The following ZNF32 variants were observed in gnomAD, a reference collection of about 807,000 sequenced individuals.
The protein encoded by ZNF32 is zinc finger protein 32.
In ZNF32, 13 loss-of-function variants were observed where a neutral mutation model predicts 24.4. The observed-to-expected ratio is 0.53, with a 90% CI of 0.35 to 0.85. The LOEUF (loss-of-function observed/expected upper bound fraction) is 0.85. ZNF32 is among the 40% of genes least tolerant of loss of function. ZNF32 has a pLI of 0.01. For synonymous variants in ZNF32, 115 were observed against 117.4 expected, an observed-to-expected ratio of 0.98 and a Z score of 0.13; for missense variants, 239 against 325.3, an observed-to-expected ratio of 0.73 and a Z score of 2.04.
Position 43,644,357 on chromosome 10 carries a change from T to C in ZNF32, c.515A>G (p.Asn172Ser). ...ECAICQRSFRNQSNLAVHRRV... is the reference protein window; with the variant it reads ...ECAICQRSFRSQSNLAVHRRV... ...CCTGTGAACAGCAAGGTTACTCTGA[T>C]TCCTGAAGCTTCTCTGACAAATAGC... is the stretch of plus-strand genomic sequence containing the variant. The change falls in exon 3 of 3, where the codon AAT (asparagine) becomes AGT (serine). Residue 172 changes from asparagine (N) to serine (S), a missense_variant. Transcript: ENST00000374433. This position sits in a 1 kb window ranked among gnomAD's most constrained non-coding sequence, Gnocchi z 5.3. The C allele has an allele frequency of 6.2e-7, 1 of 1,613,658 alleles. No individual in the cohort carries two copies. Among genetic ancestry groups the C allele is most frequent in the South Asian group, 1.1e-5 (1 of 91,054 alleles).
At chr10:43,646,452 C>A (rs1839293784) in intron 1 of ZNF32, among the ~76,000 whole-genome samples, 1 of 152,164 alleles carries the variant, frequency 6.6e-6, no homozygotes, top group Non-Finnish European at 1.5e-5. Context: ...CCTGCCAATC[C>A]CAAGTTAATA....
chr10:43,645,377 A>C (rs889779405), intron 2 of ZNF32, among the ~76,000 whole-genome samples: 3 of 152,222 alleles, frequency 2.0e-5, no homozygotes, highest in Non-Finnish European at 4.4e-5. Context: ...CTGACAATAG[A>C]ATAAGCACCA....
At chr10:43,645,826 C>G in intron 2 of ZNF32, 1 of 715,388 alleles carries the variant, frequency 1.4e-6, no homozygotes, top group East Asian at 3.9e-5. Context: ...GAGATTTAAG[C>G]TGCTCATTCA....
intron 1 of ZNF32, 112 bp from the exon 2 acceptor site, chr10:43,646,314 G>A (rs1293726596): frequency 1.5e-6 from 1 of 670,216 alleles, no homozygotes; most frequent in Non-Finnish European, 2.5e-6. Context: ...AACCTAGATT[G>A]TTTGACATAA....
Position 43,646,150 on chromosome 10 carries a change from G to A in ZNF32, c.-17C>T, listed in dbSNP as rs1329612391. On this transcript the variant is annotated 5_prime_UTR_variant, in exon 2 of 3. Transcript: ENST00000374433. ...TCCAAACATGTCCACTCCTGCTTAC[G>A]ACCTCAGTCACCACCTCTTCATATG... 5 of 1,613,766 alleles carry A rather than the reference G, an allele frequency of 3.1e-6. No homozygotes were observed. Among genetic ancestry groups the A allele is most frequent in the Non-Finnish European group, 4.2e-6 (5 of 1,179,814 alleles).
intron 2 of ZNF32, 142 bp downstream of exon 2, chr10:43,645,922 G>A: frequency 2.8e-6 from 4 of 1,436,248 alleles, no homozygotes; most frequent in African/African-American, 1.4e-5. Context: ...CCAGCTCACA[G>A]GCTTTTCTTA....
intron 2 of ZNF32, 132 bp downstream of exon 2, chr10:43,645,932 A>G (rs1839270228): frequency 4.1e-6 from 6 of 1,458,662 alleles, no homozygotes; most frequent in Non-Finnish European, 5.4e-6. Flanking sequence ...GGCTTTTCTT[A>G]TAACCCTAGG....
rs1839191607 is a variant in ZNF32 at position 43,643,997 on chromosome 10, C to CA, written c.*52dup. 21 of 1,533,690 alleles carry CA rather than the reference C, an allele frequency of 1.4e-5. 1 individual carries two copies. In the South Asian group the frequency reaches 2.6e-4, roughly 19 times the overall value. On this transcript the variant is annotated 3_prime_UTR_variant, in exon 3 of 3. Coordinates refer to ENST00000374433, the MANE Select transcript of ZNF32 (RefSeq NM_006973.3). ...TAGAACTGGATAGGTTGCTTCATCT[C>CA]AGAGGATTTTGTACTCTTAATTCAT...
At position 43,646,215 on chromosome 10, in the gene ZNF32, A is replaced by G. The variant is rs1296157889; in HGVS notation, c.-69-13T>C. ...TGTTCCTGAGCACCTGAGGGAGAAA[A>G]ACAAACAGAAACAAACAGGAAAGGG... On this transcript the variant is annotated splice_polypyrimidine_tract_variant and intron_variant, in intron 1 of 2. Transcript: ENST00000374433. 3.5e-6 allele frequency: 5 copies of G among 1,421,444 alleles called. No individual in the cohort carries two copies. Among genetic ancestry groups the G allele is most frequent in the Non-Finnish European group, 4.8e-6 (5 of 1,031,652 alleles). 88.1% of individuals were successfully genotyped at this position (1,421,444 alleles called of 1,614,324 possible). A position where few individuals can be genotyped will look rare whatever the true frequency, so the allele number is the denominator to read the frequency against.
At chr10:43,646,015 C>A in intron 2 of ZNF32, 49 bp downstream of exon 2, 2 of 1,611,294 alleles carry the variant, frequency 1.2e-6, no homozygotes, top group South Asian at 2.2e-5. Flanking sequence ...AACAGGGACA[C>A]TGAATATCTG....
rs781372589 is a variant in ZNF32 at position 43,644,635 on chromosome 10, G to T, written c.237C>A (p.Cys79Ter). The T allele has an allele frequency of 3.7e-6, 6 of 1,614,014 alleles. No individual in the cohort carries two copies. The highest frequency in any genetic ancestry group is 5.1e-6 in the Non-Finnish European group (6 of 1,180,032). ...SPGVRQRVYE[C>*]QECGKSFRQK... ...GCCGGAAGGATTTTCCACACTCCTG[G>T]CACTCATAGACCCTTTGTCTCACTC... is the stretch of plus-strand genomic sequence containing the variant. The change falls in exon 3 of 3, where the codon TGC (cysteine) becomes TGA (stop). Residue 79 changes from cysteine (C) to a stop codon, truncating the protein, a stop_gained. Coordinates refer to ENST00000374433, the MANE Select transcript of ZNF32 (RefSeq NM_006973.3). LOFTEE classifies it high-confidence loss of function. This position sits in a 1 kb window ranked among gnomAD's most constrained non-coding sequence, Gnocchi z 5.3.
In ZNF32 at chr10:43,644,001, G is replaced by C; in HGVS notation, c.*49C>G. On this transcript the variant is annotated 3_prime_UTR_variant, in exon 3 of 3. Coordinates refer to ENST00000374433, the MANE Select transcript of ZNF32 (RefSeq NM_006973.3). The surrounding 1 kb of genome is among the most constrained non-coding windows in gnomAD (Gnocchi z 5.3). Reference sequence around the variant, plus strand: ...ACTGGATAGGTTGCTTCATCTCAGAGGATTTTGTACTCTTAATTCATAAAG... The same window carrying C: ...ACTGGATAGGTTGCTTCATCTCAGACGATTTTGTACTCTTAATTCATAAAG... 1 of 1,539,746 alleles carries C rather than the reference G, an allele frequency of 6.5e-7. No homozygotes were observed. Among genetic ancestry groups the C allele is most frequent in the Non-Finnish European group, 8.7e-7 (1 of 1,146,110 alleles).
intron 2 of ZNF32, among the ~76,000 whole-genome samples, chr10:43,645,765 A>G (rs914141545): frequency 6.6e-6 from 1 of 151,828 alleles, no homozygotes; most frequent in African/African-American, 2.4e-5. Context: ...GGTGTCTGTC[A>G]CTCCAGGGTA....
chr10:43,648,588 G>C (rs1357630927), intron 1 of ZNF32: 2 of 152,170 alleles, frequency 1.3e-5, no homozygotes, highest in Non-Finnish European at 2.9e-5. Context: ...CCTGAACCTC[G>C]GCATCCCGCT....
rs776099489 is a variant in ZNF32 at position 43,644,120 on chromosome 10, C to T, written c.752G>A (p.Gly251Glu). Residue 251 changes from glycine to glutamate, a missense_variant, in exon 3 of 3, where the codon GGA (glycine) becomes GAA (glutamate). Gly to Glu is a moderately conservative substitution (Grantham distance 98). Coordinates refer to ENST00000374433, the MANE Select transcript of ZNF32 (RefSeq NM_006973.3). This position sits in a 1 kb window ranked among gnomAD's most constrained non-coding sequence, Gnocchi z 5.3. ...ACTCCCTCTCTGGGTGAAGCTTTTT[C>T]CACACTGGCCGCACAGATAGGGTGT... ...GETPYLCGQC[G>E]KSFTQRGSLA... 2 of 1,614,176 alleles carry T rather than the reference C, an allele frequency of 1.2e-6. No homozygotes were observed. Among genetic ancestry groups the T allele is most frequent in the Non-Finnish European group, 1.7e-6 (2 of 1,180,026 alleles).
chr10:43,644,954 T>A lies in ZNF32; in HGVS notation c.71-153A>T, dbSNP rs1053296405. 6.8e-6 allele frequency: 6 copies of A among 886,824 alleles called. No homozygotes were observed. The highest frequency in any genetic ancestry group is 6.7e-6 in the Non-Finnish European group (4 of 599,972). The allele number at this position is 886,824 out of a possible 1,614,324, so 54.9% of individuals were successfully genotyped here. On this transcript the variant is annotated intron_variant, in intron 2 of 2. Transcript: ENST00000374433. The surrounding 1 kb of genome is among the most constrained non-coding windows in gnomAD (Gnocchi z 5.3). ...CCTGAAAACAATGCCATGAGAGTGA[T>A]ACAGATAATGGGAGCAAAGGGAGCC...
intron 1 of ZNF32, 127 bp from the exon 2 acceptor site, chr10:43,646,329 A>C (rs1021336456): frequency 1.6e-6 from 1 of 617,912 alleles, no homozygotes; most frequent in African/African-American, 1.8e-5. Context: ...ACATAATGTC[A>C]GTTACTAAAA....
Position 43,644,604 on chromosome 10 carries a change from C to T in ZNF32, c.268G>A (p.Gly90Ser), listed in dbSNP as rs758201052. 4 of 1,613,830 alleles carry T rather than the reference C, an allele frequency of 2.5e-6. No individual in the cohort carries two copies. In the South Asian group the frequency reaches 3.3e-5, roughly 13 times the overall value. ...QECGKSFRQK[G>S]SLTLHERIHT... ...ATTCTCTCATGTAACGTTAGACTAC[C>T]TTTTTGCCGGAAGGATTTTCCACAC... is the stretch of plus-strand genomic sequence containing the variant. The change falls in exon 3 of 3, where the codon GGT (glycine) becomes AGT (serine). Residue 90 changes from glycine to serine, a missense_variant. By Grantham distance (56) the Gly-to-Ser change is moderately conservative (BLOSUM62 0). Transcript: ENST00000374433. This position sits in a 1 kb window ranked among gnomAD's most constrained non-coding sequence, Gnocchi z 5.3.
intron 1 of ZNF32, chr10:43,646,423 A>G (rs985621485): frequency 2.0e-5 from 7 of 353,994 alleles, no homozygotes; most frequent in Non-Finnish European, 2.6e-5. Context: ...AGCAGAGAAC[A>G]CATAAACATA....
Sources: allele counts gnomAD v4.1 joint callset (sites outside exome capture counted in the v4.1 genomes callset), GRCh38; gene constraint gnomAD v4.1.1; non-coding constraint Gnocchi (gnomAD v3.1); transcripts MANE v1.5; gene names NCBI Gene and HGNC (gene_info 2026-07-23, HGNC 2026-07-21).